NHS: variants seen among roughly 807,000 people sequenced by gnomAD.
The protein encoded by NHS is actin remodeling regulator NHS.
Under a neutral mutation model 72.5 loss-of-function variants are expected in NHS, and 5 were observed. The observed-to-expected ratio is 0.07, with a 90% CI of 0.04 to 0.14. The LOEUF is 0.14. Among genes scored for constraint, NHS ranks in the 10% least tolerant of loss-of-function variants. NHS has a pLI of 1.00. For missense variants in NHS, 1,072 were observed against 1,355.7 expected (o/e 0.79, Z 3.29); for synonymous variants, 464 against 547.7 (o/e 0.85, Z 2.13).
intron 1 of NHS, chrX:17,635,373 G>A: frequency 8.8e-7 from 1 of 1,135,001 alleles, no homozygotes; most frequent in Non-Finnish European, 1.2e-6. Flanking sequence ...CCTCCAGGGG[G>A]GAGTCCTAGA....
At position 17,568,647 on chromosome X, in the gene NHS, GTTATTATTATTA is replaced by G. The variant is rs35281549; in HGVS notation, c.566-119069_566-119058del. Among the ~76,000 whole-genome samples, 563 of 92,116 alleles carry G rather than the reference GTTATTATTATTA, an allele frequency of 6.1e-3. 4 individuals carry two copies. Among genetic ancestry groups the G allele is most frequent in the African/African-American group, 0.021 (548 of 25,560 alleles). The allele number at this position is 92,116 out of a possible 115,157, so 80.0% of individuals were successfully genotyped here. A position where few individuals can be genotyped will look rare whatever the true frequency, so the allele number is the denominator to read the frequency against. On this transcript the variant is annotated intron_variant, in intron 1 of 8. Transcript: ENST00000676302. ...ATAGATCAGTATTCCAGGTTACTTA[GTTATTATTATTA>G]TTATTATTATTATTATTATTATTAT...
At chrX:17,567,021 T>C (rs2146970737) in intron 1 of NHS, among the ~76,000 whole-genome samples, 1 of 112,488 alleles carries the variant, frequency 8.9e-6, no homozygotes, top group East Asian at 2.8e-4. Context: ...CTCCAGAATG[T>C]GAAAGCAAAA....
At chrX:17,412,065 A>G (rs927705552) in intron 1 of NHS, among the ~76,000 whole-genome samples, 1 of 110,743 alleles carries the variant, frequency 9.0e-6, no homozygotes, top group African/African-American at 3.3e-5. Context: ...ATGATGGTAA[A>G]TGTCATTATG....
chrX:17,723,726 G>GGTGTGTGTGTGTGTGT (rs3222310), intron 5 of NHS, among the ~76,000 whole-genome samples: 949 of 71,005 alleles, frequency 0.013, 12 homozygotes, highest in East Asian at 0.031. Context: ...CAGCAAAAGA[G>GGTGTGTGTGTGTGTGT]GTGTGTGTGT....
At chrX:17,458,586 G>A (rs764271738) in intron 1 of NHS, among the ~76,000 whole-genome samples, 12 of 110,743 alleles carry the variant, frequency 1.1e-4, no homozygotes, top group South Asian at 3.9e-4. Context: ...TCTGCCTCCC[G>A]GGTTCAAGCA....
In NHS at chrX:17,726,418, C is replaced by T. The variant is rs750500974; in HGVS notation, c.2312C>T (p.Ala771Val). The change falls in exon 7 of 9, where the codon GCG (alanine) becomes GTG (valine). Residue 771 changes from alanine (A) to valine (V), a missense_variant. Ala to Val is a moderately conservative substitution (Grantham distance 64). Coordinates refer to ENST00000676302, the MANE Select transcript of NHS (RefSeq NM_001291867.2). Reference sequence around the variant, plus strand: ...CTGGAAAAGTCTCCATCAGACAAAGCGGACACTAGCTCTCACTTTTCAGTA... The same window carrying T: ...CTGGAAAAGTCTCCATCAGACAAAGTGGACACTAGCTCTCACTTTTCAGTA... ...SFLEKSPSDK[A>V]DTSSHFSVDT... is the part of the protein sequence containing the mutation. The T allele has an allele frequency of 5.0e-6, 6 of 1,210,484 alleles. No homozygotes were observed. In the African/African-American group the frequency reaches 5.2e-5, roughly 11 times the overall value.
chrX:17,640,188 T>C (rs2065873905), intron 1 of NHS, among the ~76,000 whole-genome samples: 1 of 111,292 alleles, frequency 9.0e-6, no homozygotes, highest in South Asian at 3.8e-4. Context: ...GGAAGTTACT[T>C]ATCTGTGTTC....
chrX:17,699,734 A>G (rs141983878), intron 3 of NHS, among the ~76,000 whole-genome samples: 2 of 112,255 alleles, frequency 1.8e-5, no homozygotes, highest in African/African-American at 6.5e-5. Context: ...CATACACAAC[A>G]GTAAACTCCA....
At chrX:17,671,233 C>G (rs958056736) in intron 1 of NHS, among the ~76,000 whole-genome samples, 2 of 112,012 alleles carry the variant, frequency 1.8e-5, no homozygotes, top group Non-Finnish European at 3.8e-5. Context: ...ATTCCAAGAG[C>G]TAATTTGAAG....
chrX:17,415,326 A>T (rs759341819), intron 1 of NHS, among the ~76,000 whole-genome samples: 1 of 111,461 alleles, frequency 9.0e-6, no homozygotes, highest in African/African-American at 3.3e-5. Flanking sequence ...TGTGTTCCCG[A>T]GTCTCAATGG....
intron 1 of NHS, among the ~76,000 whole-genome samples, chrX:17,615,129 CAT>C (rs1466011681): frequency 6.5e-5 from 6 of 91,646 alleles, no homozygotes; most frequent in Middle Eastern, 5.9e-3. Context: ...CACACATATA[CAT>C]ATGTGTGTAT....
intron 1 of NHS, among the ~76,000 whole-genome samples, chrX:17,386,200 G>A (rs756544349): frequency 8.9e-6 from 1 of 111,862 alleles, no homozygotes; most frequent in Non-Finnish European, 1.9e-5. Context: ...CATCTTTTAA[G>A]GGTCTGGAGG....
intron 6 of NHS, 131 bp from the exon 7 acceptor site, chrX:17,725,216 G>T: frequency 1.8e-6 from 1 of 549,482 alleles, no homozygotes; most frequent in Non-Finnish European, 3.0e-6. Flanking sequence ...TCTATATATT[G>T]ATTTTTTTTC....
intron 1 of NHS, among the ~76,000 whole-genome samples, chrX:17,519,940 T>C (rs1444455495): frequency 9.1e-6 from 1 of 110,229 alleles, no homozygotes; most frequent in Non-Finnish European, 1.9e-5. Flanking sequence ...ACATAAGGCA[T>C]TTCCCACTCC....
intron 1 of NHS, among the ~76,000 whole-genome samples, chrX:17,665,536 C>T (rs190497547): frequency 0.071 from 7,714 of 108,369 alleles, 719 homozygotes; most frequent in African/African-American, 0.25. Flanking sequence ...ACCGTGTTAG[C>T]CAGGATGGTC....
intron 3 of NHS, among the ~76,000 whole-genome samples, chrX:17,717,794 T>C (rs562702934): frequency 1.8e-5 from 2 of 112,053 alleles, no homozygotes; most frequent in African/African-American, 6.5e-5. Context: ...ATGTGGTCTA[T>C]GAATAGGAGA....
At chrX:17,527,302 A>G (rs191422775) in intron 1 of NHS, among the ~76,000 whole-genome samples, 1 of 113,294 alleles carries the variant, frequency 8.8e-6, no homozygotes, top group Non-Finnish European at 1.9e-5. Flanking sequence ...AAGGTGGCAC[A>G]TAGCTTTTCT....
chrX:17,430,269 T>TTCTTTC (rs1457623039), intron 1 of NHS, among the ~76,000 whole-genome samples: 4 of 64,691 alleles, frequency 6.2e-5, no homozygotes, highest in Non-Finnish European at 8.2e-5. Flanking sequence ...TTTTCTTTCT[T>TTCTTTC]TCTTTCTTTC....
At chrX:17,701,516 TA>T (rs11334164) in intron 3 of NHS, among the ~76,000 whole-genome samples, 30,935 of 110,591 alleles carry the variant, frequency 0.28, 8,198 homozygotes, top group African/African-American at 0.83. Flanking sequence ...TGTGAATGGT[TA>T]AAAAATACAC....
Sources: gnomAD v4.1 joint callset for allele counts (sites outside exome capture counted in the v4.1 genomes callset) on GRCh38, gnomAD v4.1.1 for gene constraint, MANE v1.5 for transcripts, NCBI Gene and HGNC (gene_info 2026-07-23, HGNC 2026-07-21) for gene names.